Variants in HPGDS observed in about 807,000 individuals in gnomAD.
HPGDS encodes the protein GST class-sigma.
A neutral mutation model predicts 23.1 loss-of-function variants in HPGDS; 26 were observed. The ratio of observed to expected loss-of-function variants is 1.13; its 90% CI spans 0.83 to 1.56. The LOEUF is 1.56. HPGDS is among the 40% of genes most tolerant of loss of function. The probability of loss-of-function intolerance (pLI) is 0.00; values close to 1 mark genes in which losing one functional copy is unlikely to be tolerated. For missense variants in HPGDS, 268 were observed against 236.4 expected (o/e 1.13, Z -0.88); for synonymous variants, 95 against 77.9 (o/e 1.22, Z -1.16).
chr4:94,341,010 T>C (rs1283581786), intron 1 of HPGDS, among the ~76,000 whole-genome samples: 1 of 151,752 alleles, frequency 6.6e-6, no homozygotes, highest in Non-Finnish European at 1.5e-5. Context: ...CGCGCCCAGC[T>C]AATTTTTGTA....
At chr4:94,315,002 G>A (rs1034369595) in intron 3 of HPGDS, among the ~76,000 whole-genome samples, 9 of 152,192 alleles carry the variant, frequency 5.9e-5, no homozygotes, top group Non-Finnish European at 1.2e-4. Context: ...GCAGTGTTAG[G>A]GTAGGAGTGA....
intron 3 of HPGDS, among the ~76,000 whole-genome samples, chr4:94,317,527 T>A (rs1560589278): frequency 1.3e-5 from 2 of 152,182 alleles, no homozygotes; most frequent in South Asian, 4.1e-4. Flanking sequence ...CCATATGTAT[T>A]TTCTGCTAAG....
intron 1 of HPGDS, among the ~76,000 whole-genome samples, chr4:94,339,959 C>CGGGCCGGGCGCGGTGGCTCACGCCTGTAA (rs1721104923): frequency 6.6e-6 from 1 of 152,136 alleles, no homozygotes. Flanking sequence ...ATCCCTTCCT[C>CGGGCCGGGCGCGGTGGCTCACGCCTGTAA]TTCCGCTATG....
At chr4:94,313,719 A>G in intron 3 of HPGDS, among the ~76,000 whole-genome samples, 1 of 152,230 alleles carries the variant, frequency 6.6e-6, no homozygotes, top group Non-Finnish European at 1.5e-5. Context: ...CCTGGATAAT[A>G]TCCTGCAGAG....
At chr4:94,326,152 C>A (rs1372613318) in intron 2 of HPGDS, among the ~76,000 whole-genome samples, 1 of 152,124 alleles carries the variant, frequency 6.6e-6, no homozygotes, top group South Asian at 2.1e-4. Context: ...TCAAACTTGA[C>A]AACTTGACAA....
chr4:94,320,082 G>T (rs1756473066), intron 2 of HPGDS, among the ~76,000 whole-genome samples: 1 of 152,118 alleles, frequency 6.6e-6, no homozygotes, highest in South Asian at 2.1e-4. Flanking sequence ...CCCTACAAAG[G>T]ACATGAACTC....
At chr4:94,315,235 G>A (rs1383537180) in intron 3 of HPGDS, among the ~76,000 whole-genome samples, 7 of 152,142 alleles carry the variant, frequency 4.6e-5, no homozygotes, top group Admixed American at 1.3e-4. Flanking sequence ...CATCGCTCAC[G>A]CTTCGAGCTG....
intron 3 of HPGDS, among the ~76,000 whole-genome samples, chr4:94,315,158 T>C (rs1756369822): frequency 7.1e-6 from 1 of 140,088 alleles, no homozygotes. Context: ...GCACCTACTG[T>C]CTGACAATCC....
At chr4:94,326,271 T>G (rs1027486469) in intron 2 of HPGDS, among the ~76,000 whole-genome samples, 1 of 152,204 alleles carries the variant, frequency 6.6e-6, no homozygotes, top group Admixed American at 6.5e-5. Flanking sequence ...GTTTTAACTA[T>G]CATTTTGTTA....
At chr4:94,322,819 T>C (rs1360229405) in intron 2 of HPGDS, among the ~76,000 whole-genome samples, 1 of 152,230 alleles carries the variant, frequency 6.6e-6, no homozygotes, top group Non-Finnish European at 1.5e-5. Flanking sequence ...TGAATGTGTT[T>C]GCTCTTGCTT....
At chr4:94,313,936 C>A (rs1408776724) in intron 3 of HPGDS, among the ~76,000 whole-genome samples, 1 of 152,214 alleles carries the variant, frequency 6.6e-6, no homozygotes, top group Non-Finnish European at 1.5e-5. Context: ...AAACCAGCTA[C>A]TGAAGCTTGT....
At chr4:94,307,575 T>C (rs991996409) in intron 4 of HPGDS, among the ~76,000 whole-genome samples, 4 of 152,066 alleles carry the variant, frequency 2.6e-5, no homozygotes, top group African/African-American at 4.8e-5. Context: ...ATGGCATCAC[T>C]GGAATAACAG....
chr4:94,324,890 G>A (rs1420042033), intron 2 of HPGDS, among the ~76,000 whole-genome samples: 1 of 152,188 alleles, frequency 6.6e-6, no homozygotes, highest in Non-Finnish European at 1.5e-5. Context: ...CCCCATCTTT[G>A]TTGTTTTATC....
intron 4 of HPGDS, 101 bp downstream of exon 4, chr4:94,308,533 T>C: frequency 5.2e-6 from 3 of 575,712 alleles, no homozygotes; most frequent in Non-Finnish European, 9.2e-6. Flanking sequence ...TTTAAAATTA[T>C]ACATATTCTT....
intron 2 of HPGDS, among the ~76,000 whole-genome samples, chr4:94,330,671 G>A (rs940380717): frequency 2.6e-5 from 4 of 152,014 alleles, no homozygotes; most frequent in Non-Finnish European, 1.5e-5. Context: ...CCTAAACTGA[G>A]CCTCAAGTTT....
rs1560597992 is a variant in HPGDS, at chr4:94,340,309, C to CTTTTTT, written c.-10+2485_-10+2486insAAAAAA. Among the ~76,000 whole-genome samples the CTTTTTT allele has an allele frequency of 1.2e-3, 34 of 28,790 alleles. 2 individuals carry two copies. The highest frequency in any genetic ancestry group is 4.0e-3 in the African/African-American group (33 of 8,278). 18.9% of individuals were successfully genotyped at this position (28,790 alleles called of 152,430 possible). A position where few individuals can be genotyped will look rare whatever the true frequency, so the allele number is the denominator to read the frequency against. ...TCTTTCTTTCTTTCTTTCTTTCTTT[C>CTTTTTT]TCTTTTTTTTTTTTTTTTTTTTTTT... On this transcript the variant is annotated intron_variant, in intron 1 of 5. Coordinates refer to ENST00000295256, the MANE Select transcript of HPGDS (RefSeq NM_014485.3).
At chr4:94,314,856 G>C (rs1756362707) in intron 3 of HPGDS, among the ~76,000 whole-genome samples, 1 of 152,170 alleles carries the variant, frequency 6.6e-6, no homozygotes, top group Non-Finnish European at 1.5e-5. Flanking sequence ...CCCTCCCCCA[G>C]CCTCGCTGCC....
chr4:94,322,290 G>A (rs1052561235), intron 2 of HPGDS, among the ~76,000 whole-genome samples: 4 of 152,164 alleles, frequency 2.6e-5, no homozygotes, highest in Admixed American at 2.0e-4. Flanking sequence ...ATGAGTTAGG[G>A]AGGACTCCCT....
intron 3 of HPGDS, among the ~76,000 whole-genome samples, chr4:94,312,224 T>G (rs1249994477): frequency 6.6e-6 from 1 of 152,192 alleles, no homozygotes; most frequent in African/African-American, 2.4e-5. Context: ...CTTTTAATTG[T>G]GATGTTAGGG....
Sources: gnomAD v4.1 joint callset for allele counts (sites outside exome capture counted in the v4.1 genomes callset) on GRCh38, gnomAD v4.1.1 for gene constraint, MANE v1.5 for transcripts, NCBI Gene and HGNC (gene_info 2026-07-23, HGNC 2026-07-21) for gene names.